RAB33B: variants seen among roughly 807,000 people sequenced by gnomAD.
RAB33B encodes ras-related protein Rab-33B.
In RAB33B, 6 loss-of-function variants were observed where a neutral mutation model predicts 15.0. That is an observed-to-expected ratio of 0.40 (90% CI 0.22 to 0.79). The LOEUF (loss-of-function observed/expected upper bound fraction) is 0.79, where lower values mean the gene tolerates loss of function less well. RAB33B is among the 30% of genes least tolerant of loss of function. The pLI is 0.37. For synonymous variants in RAB33B, 117 were observed against 108.3 expected (o/e 1.08, Z -0.50); for missense variants, 257 against 296.4 (o/e 0.87, Z 0.98).
At chr4:139,447,408 T>TA in the RAB33B span, among the ~76,000 whole-genome samples, 1 of 152,130 alleles carries the variant, frequency 6.6e-6, no homozygotes, top group Non-Finnish European at 1.5e-5. Flanking sequence ...TCATCACCCT[T>TA]AGAGAGTCAC....
rs776521254 is a variant in RAB33B, at chr4:139,454,359, C to G, written c.164C>G (p.Ala55Gly). ...ACATGCCTGACCTACCGCTTCTGCG[C>G]TGGCCGCTTCCCCGACCGCACCGAG... Reference protein sequence around the residue: ...GKTCLTYRFCAGRFPDRTEAT... With the variant: ...GKTCLTYRFCGGRFPDRTEAT... Residue 55 changes from alanine (A) to glycine (G), a missense_variant, in exon 1 of 2, where the codon GCT (alanine) becomes GGT (glycine). By Grantham distance (60) the Ala-to-Gly change is moderately conservative (BLOSUM62 0). Transcript: ENST00000305626. 6.2e-7 allele frequency: 1 copy of G among 1,614,078 alleles called. No homozygotes were observed. The highest frequency in any genetic ancestry group is 2.2e-5 in the East Asian group (1 of 44,874).
At chr4:139,464,370 T>C (rs894814374) in intron 1 of RAB33B, among the ~76,000 whole-genome samples, 3 of 146,094 alleles carry the variant, frequency 2.1e-5, no homozygotes, top group Non-Finnish European at 4.5e-5. Context: ...ACGGGATTGA[T>C]GGGAAGAGGA....
In RAB33B at chr4:139,472,967, G is replaced by C. The variant is rs372567843; in HGVS notation, c.531G>C (p.Thr177=). The change falls in exon 2 of 2, where the codon ACG becomes ACC. Residue 177 remains threonine, a synonymous_variant. Transcript: ENST00000305626. ...CACACAGTATGCCTTTGTTTGAAAC[G>C]TCTGCTAAAAACCCCAATGATAATG... ...ADTHSMPLFE[T]SAKNPNDNDH... The C allele has an allele frequency of 3.6e-5, 58 of 1,614,120 alleles. No homozygotes were observed. In the East Asian group the frequency reaches 1.1e-3, roughly 32 times the overall value.
At chr4:139,457,239 G>A (rs1322204488) in intron 1 of RAB33B, among the ~76,000 whole-genome samples, 1 of 152,106 alleles carries the variant, frequency 6.6e-6, no homozygotes, top group Admixed American at 6.5e-5. Context: ...AGTTGAAAGA[G>A]GAAAATCTTG....
the RAB33B span, among the ~76,000 whole-genome samples, chr4:139,443,400 T>C: frequency 6.6e-6 from 1 of 152,196 alleles, no homozygotes; most frequent in Non-Finnish European, 1.5e-5. Context: ...TACCTTTGAC[T>C]CTATGTGGAG....
intron 1 of RAB33B, among the ~76,000 whole-genome samples, chr4:139,457,990 C>T (rs976167059): frequency 1.3e-5 from 2 of 152,154 alleles, no homozygotes; most frequent in African/African-American, 4.8e-5. Context: ...GTTGCAGCAG[C>T]TTAACAGTTA....
Position 139,454,142 on chromosome 4 carries a change from C to T in RAB33B, c.-54C>T, listed in dbSNP as rs13128486. The T allele has an allele frequency of 1.9e-6, 3 of 1,552,988 alleles. No individual in the cohort carries two copies. The highest frequency in any genetic ancestry group is 8.7e-7 in the Non-Finnish European group (1 of 1,149,672). On this transcript the variant is annotated 5_prime_UTR_variant, in exon 1 of 2. Coordinates refer to ENST00000305626, the MANE Select transcript of RAB33B (RefSeq NM_031296.3). ...GCGCGCTCTTGCGGTGGCGTAATCT[C>T]TCAGCCTTTCTGTGTCTCCTTTCCT...
At chr4:139,459,374 T>C (rs1750126437) in intron 1 of RAB33B, among the ~76,000 whole-genome samples, 1 of 152,028 alleles carries the variant, frequency 6.6e-6, no homozygotes, top group African/African-American at 2.4e-5. Flanking sequence ...AGTTGGAGGC[T>C]CTAGTAAGCC....
chr4:139,473,699 A>G lies in RAB33B; in HGVS notation c.*573A>G, dbSNP rs896301589. On this transcript the variant is annotated 3_prime_UTR_variant, in exon 2 of 2. Transcript: ENST00000305626. The stretch of plus-strand genomic sequence containing the variant: ...TCTGGCCTTTCTTTGTTTTATTAAC[A>G]TATTTAGTTTTGTTATTATTGGTAT... The G allele has an allele frequency of 6.6e-6, 1 of 152,112 alleles. No homozygotes were observed. The highest frequency in any genetic ancestry group is 1.5e-5 in the Non-Finnish European group (1 of 68,122). 9.4% of individuals were successfully genotyped at this position (152,112 alleles called of 1,614,324 possible).
At chr4:139,468,596 A>G (rs1207676262) in intron 1 of RAB33B, among the ~76,000 whole-genome samples, 1 of 152,202 alleles carries the variant, frequency 6.6e-6, no homozygotes, top group African/African-American at 2.4e-5. Context: ...TAGTTTATAC[A>G]CCACAGTTAC....
chr4:139,466,765 A>G (rs1405170257), intron 1 of RAB33B, among the ~76,000 whole-genome samples: 1 of 151,720 alleles, frequency 6.6e-6, no homozygotes, highest in Non-Finnish European at 1.5e-5. Flanking sequence ...TCTTTGGTAG[A>G]GACGGGGTTT....
chr4:139,459,188 T>C (rs898003273), intron 1 of RAB33B, among the ~76,000 whole-genome samples: 1 of 147,522 alleles, frequency 6.8e-6, no homozygotes, highest in Non-Finnish European at 1.5e-5. Flanking sequence ...ACACCTGTAA[T>C]CCCGGCACTT....
At position 139,454,241 on chromosome 4, in the gene RAB33B, A is replaced by T. The variant is rs1449868596; in HGVS notation, c.46A>T (p.Ser16Cys). 3.1e-6 allele frequency: 5 copies of T among 1,614,110 alleles called. No individual in the cohort carries two copies. In the African/African-American group the frequency reaches 4.0e-5, roughly 13 times the overall value. Residue 16 changes from serine to cysteine, a missense_variant, in exon 1 of 2, where the codon AGC (serine) becomes TGC (cysteine). By Grantham distance (112) the Ser-to-Cys change is moderately radical (BLOSUM62 -1). Coordinates refer to ENST00000305626, the MANE Select transcript of RAB33B (RefSeq NM_031296.3). Reference protein sequence around the residue: ...ESSLEASFSSSGAVSGASGFL... With the variant: ...ESSLEASFSSCGAVSGASGFL... Reference sequence around the variant, plus strand: ...GTCGCTCGAGGCAAGCTTTTCGTCCAGCGGGGCAGTGTCAGGGGCCTCAGG... The same window carrying T: ...GTCGCTCGAGGCAAGCTTTTCGTCCTGCGGGGCAGTGTCAGGGGCCTCAGG...
At chr4:139,442,103 T>C in the RAB33B span, among the ~76,000 whole-genome samples, 1 of 152,190 alleles carries the variant, frequency 6.6e-6, no homozygotes, top group Non-Finnish European at 1.5e-5. Flanking sequence ...TCCAATTAGA[T>C]GAATTTCCTT....
At chr4:139,446,678 C>T in the RAB33B span, among the ~76,000 whole-genome samples, 1 of 152,170 alleles carries the variant, frequency 6.6e-6, no homozygotes, top group South Asian at 2.1e-4. Context: ...ATAGGATGAG[C>T]CCTTCTGTGC....
chr4:139,461,917 T>C (rs571192115), intron 1 of RAB33B, among the ~76,000 whole-genome samples: 1 of 151,132 alleles, frequency 6.6e-6, no homozygotes, highest in Non-Finnish European at 1.5e-5. Context: ...AAAAAAAAAA[T>C]TTCATATATA....
At chr4:139,454,038 C>CGGGAA (rs928797492), upstream of RAB33B, 1 of 818,526 alleles carries the variant, frequency 1.2e-6, no homozygotes, top group Non-Finnish European at 1.8e-6. Context: ...AAGGGCGGGG[C>CGGGAA]GGGAAGGTGC....
upstream of RAB33B, chr4:139,453,919 T>C (rs969868806): frequency 6.5e-6 from 2 of 306,978 alleles, no homozygotes; most frequent in Non-Finnish European, 1.2e-5. Context: ...CCCCGACAGG[T>C]CCCACGCCTG....
chr4:139,473,269 G>A lies in RAB33B; in HGVS notation c.*143G>A, dbSNP rs889125681. On this transcript the variant is annotated 3_prime_UTR_variant, in exon 2 of 2. Transcript: ENST00000305626. ...TGTCATTGTCACGCTTTTGTATTTTGTATCTACTTAAGTTTGTCACTGTGA... is the reference window on the plus strand; with the variant it reads ...TGTCATTGTCACGCTTTTGTATTTTATATCTACTTAAGTTTGTCACTGTGA... The A allele has an allele frequency of 7.5e-6, 6 of 797,336 alleles. No homozygotes were observed. The highest frequency in any genetic ancestry group is 1.1e-5 in the Non-Finnish European group (6 of 527,524). The allele number at this position is 797,336 out of a possible 1,614,324, so 49.4% of individuals were successfully genotyped here.
Sources: gnomAD v4.1 joint callset for allele counts (sites outside exome capture counted in the v4.1 genomes callset) on GRCh38, gnomAD v4.1.1 for gene constraint, MANE v1.5 for transcripts, NCBI Gene and HGNC (gene_info 2026-07-23, HGNC 2026-07-21) for gene names.